MROH1: variants seen among roughly 807,000 people sequenced by gnomAD.
MROH1 encodes the protein maestro heat like repeat family member 1, also known as maestro heat-like repeat-containing protein family member 1.
Under a neutral mutation model 116.5 loss-of-function variants are expected in MROH1, and 117 were observed. The observed-to-expected ratio is 1.00, with a 90% CI of 0.86 to 1.17. The LOEUF (loss-of-function observed/expected upper bound fraction) is 1.17. MROH1 is among the 50% of genes most tolerant of loss of function. The pLI is 0.00. For synonymous variants in MROH1, 921 were observed against 583.9 expected, an observed-to-expected ratio of 1.58 and a Z score of -8.32; for missense variants, 1,873 against 1,338.5, an observed-to-expected ratio of 1.40 and a Z score of -6.23.
At chr8:144,224,569 A>G (rs1352077523) in intron 14 of MROH1, among the ~76,000 whole-genome samples, 1 of 152,228 alleles carries the variant, frequency 6.6e-6, no homozygotes, top group Admixed American at 6.5e-5. Flanking sequence ...CCCAGCACTC[A>G]AATGTGTTTT....
At chr8:144,219,057 C>G (rs1836145775) in intron 12 of MROH1, among the ~76,000 whole-genome samples, 1 of 150,076 alleles carries the variant, frequency 6.7e-6, no homozygotes, top group Admixed American at 6.7e-5. Context: ...GAGTCTCGCT[C>G]TGTCGCCCAG....
rs573524223 is a variant in MROH1, at chr8:144,188,449, A to AT, written c.563-2297dup. On this transcript the variant is annotated intron_variant, in intron 7 of 43. Transcript: ENST00000326134. ...CTGGGTCAGGTGCTACCACTGCCCA[A>AT]TTTTTTTTTTTTTTTTTTTTTTTTT... Among the ~76,000 whole-genome samples, 97 of 45,836 alleles carry AT rather than the reference A, an allele frequency of 2.1e-3. 3 individuals carry two copies. The highest frequency in any genetic ancestry group is 7.7e-3 in the African/African-American group (89 of 11,544). The allele number at this position is 45,836 out of a possible 152,430, so 30.1% of individuals were successfully genotyped here. A position where few individuals can be genotyped will look rare whatever the true frequency, so the allele number is the denominator to read the frequency against.
At chr8:144,234,135 G>A (rs1430052145) in intron 14 of MROH1, among the ~76,000 whole-genome samples, 5 of 151,968 alleles carry the variant, frequency 3.3e-5, no homozygotes, top group Admixed American at 1.3e-4. Flanking sequence ...TCAGCCTCCC[G>A]AGCAGCTGGG....
At position 144,231,175 on chromosome 8, in the gene MROH1, C is replaced by T. The variant is rs912141413; in HGVS notation, c.1339-7581C>T. Among the ~76,000 whole-genome samples, 3 of 150,658 alleles carry T rather than the reference C, an allele frequency of 2.0e-5. No homozygotes were observed. In the South Asian group the frequency reaches 6.4e-4, roughly 32 times the overall value. On this transcript the variant is annotated intron_variant, in intron 14 of 43. Transcript: ENST00000326134. Reference sequence around the variant, plus strand: ...CAAGGCAGAAGAAGTTTTCTTAGTACAGAACAAAATGAAAAGTCTCCCATG... The same window carrying T: ...CAAGGCAGAAGAAGTTTTCTTAGTATAGAACAAAATGAAAAGTCTCCCATG...
chr8:144,171,069 G>C (rs1416318426), intron 4 of MROH1, among the ~76,000 whole-genome samples: 1 of 152,202 alleles, frequency 6.6e-6, no homozygotes, highest in African/African-American at 2.4e-5. Flanking sequence ...GTTGTGCAGT[G>C]GACACCAGCT....
intron 29 of MROH1, 79 bp from the exon 30 acceptor site, chr8:144,247,222 C>T: frequency 1.4e-6 from 1 of 720,530 alleles, no homozygotes; most frequent in South Asian, 1.5e-5. Flanking sequence ...CACACTCCAG[C>T]CCTCCTCTGG....
intron 29 of MROH1, among the ~76,000 whole-genome samples, chr8:144,245,536 G>A (rs942821017): frequency 2.4e-4 from 36 of 152,338 alleles, no homozygotes; most frequent in Non-Finnish European, 4.7e-4. Context: ...GATTTGGTTG[G>A]CGATATTTTT....
intron 15 of MROH1, 33 bp downstream of exon 15, chr8:144,238,896 C>T (rs1840493321): frequency 2.6e-6 from 2 of 770,246 alleles, no homozygotes; most frequent in Non-Finnish European, 4.8e-6. Flanking sequence ...TGCCTGGCGA[C>T]AACAGAGCTC....
Position 144,255,546 on chromosome 8 carries a change from C to T in MROH1, c.3632C>T (p.Ala1211Val). The T allele has an allele frequency of 1.3e-6, 1 of 779,312 alleles. No individual in the cohort carries two copies. Among genetic ancestry groups the T allele is most frequent in the Non-Finnish European group, 2.4e-6 (1 of 417,784 alleles). 48.3% of individuals were successfully genotyped at this position (779,312 alleles called of 1,614,324 possible). The change falls in exon 35 of 44, where the codon GCA (alanine) becomes GTA (valine). Residue 1211 changes from alanine (A) to valine (V), a missense_variant. Transcript: ENST00000326134. ...CTGTTTGAGGTCATGTCCACGCCTG[C>T]AGCGGGGCCCGCGGTGCTCGAGCTC... ...CALFEVMSTP[A>V]AGPAVLELYP...
chr8:144,256,655 C>T (rs959029219), intron 35 of MROH1, among the ~76,000 whole-genome samples: 59 of 152,328 alleles, frequency 3.9e-4, no homozygotes, highest in African/African-American at 1.1e-3. Context: ...CCCACGCCCA[C>T]CCCCAGGTGC....
chr8:144,152,655 T>C (rs1817113159), intron 1 of MROH1, among the ~76,000 whole-genome samples: 2 of 151,936 alleles, frequency 1.3e-5, no homozygotes. Flanking sequence ...CATGCCATTC[T>C]CCTGCCTCAG....
intron 7 of MROH1, among the ~76,000 whole-genome samples, chr8:144,186,944 T>C (rs1827343552): frequency 6.6e-6 from 1 of 151,706 alleles, no homozygotes; most frequent in Admixed American, 6.6e-5. Flanking sequence ...ATACAAAAAA[T>C]TAAATTAGCC....
rs1349660670 is a variant in MROH1 at position 144,260,299 on chromosome 8, G to T, written c.4305G>T (p.Val1435=). The T allele has an allele frequency of 4.0e-6, 3 of 754,714 alleles. No homozygotes were observed. The highest frequency in any genetic ancestry group is 7.3e-6 in the Non-Finnish European group (3 of 411,550). The allele number at this position is 754,714 out of a possible 1,614,324, so 46.8% of individuals were successfully genotyped here. Residue 1435 remains valine, a synonymous_variant, in exon 39 of 44, where the codon GTG becomes GTT. Coordinates refer to ENST00000326134, the MANE Select transcript of MROH1 (RefSeq NM_032450.3). The part of the protein sequence containing the change: ...LEAMLGLARL[V]HLVESWDLRS... ...CCATGCTGGGCCTTGCGAGGCTGGT[G>T]CACCTGGTGGAGTCCTGGGACCTGC... is the stretch of plus-strand genomic sequence containing the variant.
At chr8:144,149,596 G>A (rs1490061069) in intron 1 of MROH1, among the ~76,000 whole-genome samples, 1 of 152,060 alleles carries the variant, frequency 6.6e-6, no homozygotes. Context: ...CCTCTGTCTC[G>A]TAGCCCCCCT....
chr8:144,190,793 G>T lies in MROH1; in HGVS notation c.572G>T (p.Arg191Leu). 1 of 1,613,350 alleles carries T rather than the reference G, an allele frequency of 6.2e-7. No homozygotes were observed. Among genetic ancestry groups the T allele is most frequent in the Non-Finnish European group, 8.5e-7 (1 of 1,179,714 alleles). The change falls in exon 8 of 44, where the codon CGC becomes CTC. Residue 191 changes from arginine (R) to leucine (L), a missense_variant. Physicochemically the swap from Arg to Leu is moderately radical, Grantham distance 102. Transcript: ENST00000326134. Reference protein sequence around the residue: ...VRVAFCSALQRFSEGALEYLA... With the variant: ...VRVAFCSALQLFSEGALEYLA... ...CTGGCCGGTTTTGTAGCTCTGCAGC[G>T]CTTCAGCGAGGGTGCCCTGGAGTAC...
At chr8:144,203,447 C>G (rs1388795305) in intron 12 of MROH1, among the ~76,000 whole-genome samples, 4 of 147,100 alleles carry the variant, frequency 2.7e-5, no homozygotes, top group Non-Finnish European at 4.5e-5. Context: ...GGGAGGGGAG[C>G]GCCCCCTCTG....
chr8:144,241,292 A>G (rs1840938588), intron 21 of MROH1, 103 bp from the exon 22 acceptor site: 5 of 701,618 alleles, frequency 7.1e-6, no homozygotes, highest in East Asian at 5.4e-5. Context: ...AAGTGTGCGC[A>G]TGTGTGTACA....
chr8:144,239,011 A>G, intron 15 of MROH1, 24 bp from the exon 16 acceptor site: 1 of 776,682 alleles, frequency 1.3e-6, no homozygotes, highest in South Asian at 1.3e-5. Flanking sequence ...GGGCGGATGC[A>G]GACCAGGCCC....
intron 12 of MROH1, 127 bp downstream of exon 12, chr8:144,200,668 A>C: frequency 1.3e-6 from 1 of 753,092 alleles, no homozygotes; most frequent in Non-Finnish European, 2.2e-6. Context: ...AGATTTCCCT[A>C]CTTACTATTT....
Sources: allele counts gnomAD v4.1 joint callset (sites outside exome capture counted in the v4.1 genomes callset), GRCh38; gene constraint gnomAD v4.1.1; transcripts MANE v1.5; gene names NCBI Gene and HGNC (gene_info 2026-07-23, HGNC 2026-07-21).